GLIS3: variants seen among roughly 807,000 people sequenced by gnomAD.
GLIS3 encodes the protein zinc finger protein GLIS3.
In GLIS3, 53 loss-of-function variants were observed where a neutral mutation model predicts 78.6. The ratio of observed to expected loss-of-function variants is 0.67; its 90% CI spans 0.54 to 0.85. The LOEUF is 0.85. Among genes scored for constraint, GLIS3 ranks in the 40% least tolerant of loss-of-function variants. GLIS3 has a pLI of 0.00. For synonymous variants in GLIS3, 684 were observed against 509.9 expected (o/e 1.34, Z -4.60); for missense variants, 1,703 against 1,231.1 (o/e 1.38, Z -5.74).
the GLIS3 span, among the ~76,000 whole-genome samples, chr9:4,399,300 T>C: frequency 3.9e-5 from 6 of 152,170 alleles, no homozygotes; most frequent in Non-Finnish European, 8.8e-5. Flanking sequence ...TTGGGGTAAA[T>C]AGTGATTTAT....
intron 4 of GLIS3, chr9:4,035,996 G>A (rs576086325): frequency 6.6e-6 from 1 of 152,264 alleles, no homozygotes; most frequent in Non-Finnish European, 1.5e-5. Flanking sequence ...TCCTATACCA[G>A]ATGACTTGGC....
intron 4 of GLIS3, among the ~76,000 whole-genome samples, chr9:4,032,784 C>T (rs115220170): frequency 5.3e-5 from 8 of 152,182 alleles, no homozygotes; most frequent in East Asian, 1.9e-4. Flanking sequence ...CCTGCCCCCA[C>T]TGCCAATAGC....
At chr9:3,986,379 T>A (rs563235029) in intron 4 of GLIS3, among the ~76,000 whole-genome samples, 1 of 152,310 alleles carries the variant, frequency 6.6e-6, no homozygotes, top group South Asian at 2.1e-4. Flanking sequence ...CTTCCTTGTG[T>A]CATAAAAATT....
intron 2 of GLIS3, among the ~76,000 whole-genome samples, chr9:4,141,242 A>C (rs973080063): frequency 6.6e-6 from 1 of 152,230 alleles, no homozygotes; most frequent in African/African-American, 2.4e-5. Flanking sequence ...GGGATTGCCC[A>C]AAGTCTGGGA....
At chr9:4,018,618 T>C (rs1257833570) in intron 4 of GLIS3, among the ~76,000 whole-genome samples, 2 of 151,848 alleles carry the variant, frequency 1.3e-5, no homozygotes, top group Non-Finnish European at 2.9e-5. Context: ...TGACACAGAG[T>C]AGTTTCCAAA....
intron 4 of GLIS3, among the ~76,000 whole-genome samples, chr9:4,046,809 G>A (rs1394306098): frequency 1.3e-5 from 2 of 152,184 alleles, no homozygotes; most frequent in African/African-American, 4.8e-5. Context: ...TGGGTTGAGA[G>A]ACATGGCAAT....
At chr9:3,910,873 T>C (rs1267500996) in intron 6 of GLIS3, among the ~76,000 whole-genome samples, 2 of 152,236 alleles carry the variant, frequency 1.3e-5, no homozygotes, top group South Asian at 2.1e-4. Context: ...CATCAGTCCC[T>C]GCTCTCTCAT....
chr9:4,447,415 G>A, the GLIS3 span, among the ~76,000 whole-genome samples: 1 of 151,966 alleles, frequency 6.6e-6, no homozygotes, highest in Admixed American at 6.6e-5. Flanking sequence ...ATTTCTACCA[G>A]GAAGTAGTCC....
intron 2 of GLIS3, among the ~76,000 whole-genome samples, chr9:4,263,090 G>C (rs1825674842): frequency 6.6e-6 from 1 of 152,144 alleles, no homozygotes; most frequent in African/African-American, 2.4e-5. Context: ...TTCACAGTAA[G>C]AAAAATGTAA....
chr9:4,053,163 G>C (rs1397261175), intron 4 of GLIS3, among the ~76,000 whole-genome samples: 1 of 152,132 alleles, frequency 6.6e-6, no homozygotes, highest in Non-Finnish European at 1.5e-5. Context: ...TGGCCCAGCT[G>C]GTCTCGAACT....
the GLIS3 span, among the ~76,000 whole-genome samples, chr9:4,405,929 G>T: frequency 3.9e-5 from 6 of 152,298 alleles, no homozygotes; most frequent in South Asian, 1.0e-3. Flanking sequence ...GTCCATCAAT[G>T]TGACACATCA....
chr9:3,900,974 A>C (rs944682810), intron 6 of GLIS3: 2 of 152,208 alleles, frequency 1.3e-5, no homozygotes, highest in Non-Finnish European at 2.9e-5. Flanking sequence ...TTAACTGATT[A>C]ACCGAACTTG....
At chr9:4,301,851 C>A (rs911853149), upstream of GLIS3, among the ~76,000 whole-genome samples, 1 of 152,136 alleles carries the variant, frequency 6.6e-6, no homozygotes, top group African/African-American at 2.4e-5. Flanking sequence ...GAGTCATCAA[C>A]CTGGAGATCC....
intron 4 of GLIS3, among the ~76,000 whole-genome samples, chr9:3,940,135 G>A (rs1013848051): frequency 1.1e-4 from 16 of 152,098 alleles, no homozygotes; most frequent in African/African-American, 2.7e-4. Flanking sequence ...CAGTTTTACC[G>A]CTAGATTTAT....
At chr9:4,391,399 C>G in the GLIS3 span, among the ~76,000 whole-genome samples, 15,165 of 152,186 alleles carry the variant, frequency 0.1, 930 homozygotes, top group East Asian at 0.26. Context: ...TTTAACTCTA[C>G]TTCTTTTGGA....
At chr9:4,109,411 A>T (rs1050943235) in intron 4 of GLIS3, among the ~76,000 whole-genome samples, 1 of 152,230 alleles carries the variant, frequency 6.6e-6, no homozygotes, top group African/African-American at 2.4e-5. Context: ...TGTTTTCTTT[A>T]AAGTCTGCAA....
chr9:4,295,312 T>C (rs1417404698), intron 1 of GLIS3, among the ~76,000 whole-genome samples: 1 of 152,218 alleles, frequency 6.6e-6, no homozygotes, highest in Non-Finnish European at 1.5e-5. Flanking sequence ...GACATTTCAC[T>C]TGTGTCTGTT....
intron 7 of GLIS3, among the ~76,000 whole-genome samples, chr9:3,884,114 C>A (rs1821914399): frequency 6.6e-6 from 1 of 152,178 alleles, no homozygotes; most frequent in South Asian, 2.1e-4. Flanking sequence ...TAGGCTGGCA[C>A]CTTTAGCTCA....
At chr9:4,478,733 T>C in the GLIS3 span, among the ~76,000 whole-genome samples, 1 of 152,208 alleles carries the variant, frequency 6.6e-6, no homozygotes, top group Non-Finnish European at 1.5e-5. Flanking sequence ...CTATTTAGGG[T>C]AACCAAATAG....
Sources: gnomAD v4.1 joint callset for allele counts (sites outside exome capture counted in the v4.1 genomes callset) on GRCh38, gnomAD v4.1.1 for gene constraint, MANE v1.5 for transcripts, NCBI Gene and HGNC (gene_info 2026-07-23, HGNC 2026-07-21) for gene names.